The following MAPRE2 variants were observed in gnomAD, a reference collection of about 807,000 sequenced individuals.
The protein encoded by MAPRE2 is microtubule associated protein RP/EB family member 2.
A neutral mutation model predicts 43.2 loss-of-function variants in MAPRE2; 13 were observed. That is an observed-to-expected ratio of 0.30 (90% CI 0.20 to 0.48). MAPRE2 has a LOEUF of 0.48. Among genes scored for constraint, MAPRE2 ranks in the 20% least tolerant of loss-of-function variants. The probability of loss-of-function intolerance (pLI) is 0.99; values close to 1 mark genes in which losing one functional copy is unlikely to be tolerated. For synonymous variants in MAPRE2, 135 were observed against 148.8 expected, an observed-to-expected ratio of 0.91 and a Z score of 0.68; for missense variants, 161 against 400.2, an observed-to-expected ratio of 0.40 and a Z score of 5.10.
At chr18:35,079,884 C>G (rs569982404) in intron 2 of MAPRE2, among the ~76,000 whole-genome samples, 1 of 152,096 alleles carries the variant, frequency 6.6e-6, no homozygotes, top group African/African-American at 2.4e-5. Flanking sequence ...TTGATCAAGG[C>G]AAAAAGAAGT....
chr18:35,000,289 G>A (rs1021198638), intron 1 of MAPRE2, among the ~76,000 whole-genome samples: 1 of 152,178 alleles, frequency 6.6e-6, no homozygotes, highest in East Asian at 1.9e-4. Flanking sequence ...TTGTGAGGAG[G>A]ATGCTTTAAC....
At chr18:34,992,592 C>A (rs1240554710) in intron 1 of MAPRE2, among the ~76,000 whole-genome samples, 2 of 152,124 alleles carry the variant, frequency 1.3e-5, no homozygotes, top group Admixed American at 6.5e-5. Flanking sequence ...AATTCATTTT[C>A]TTATAATAAA....
chr18:35,102,185 G>T, intron 4 of MAPRE2, 26 bp downstream of exon 4: 1 of 1,524,392 alleles, frequency 6.6e-7, no homozygotes, highest in Non-Finnish European at 8.8e-7. Flanking sequence ...GATTGCGGGA[G>T]TTGCTTTCAT....
At chr18:34,978,759 G>C (rs2097014561) in intron 1 of MAPRE2, among the ~76,000 whole-genome samples, 1 of 152,200 alleles carries the variant, frequency 6.6e-6, no homozygotes, top group Non-Finnish European at 1.5e-5. Context: ...GTGATTGGTA[G>C]ATAAGCTTAA....
At chr18:35,070,037 A>C (rs188833906) in intron 1 of MAPRE2, among the ~76,000 whole-genome samples, 158 bp from the exon 2 acceptor site, 24 of 152,362 alleles carry the variant, frequency 1.6e-4, no homozygotes, top group Admixed American at 1.4e-3. Context: ...AATAATTTTA[A>C]TGCAAATATG....
chr18:35,082,632 T>G (rs559854965), intron 2 of MAPRE2, among the ~76,000 whole-genome samples: 25 of 152,220 alleles, frequency 1.6e-4, no homozygotes, highest in East Asian at 7.7e-4. Flanking sequence ...ATGTGAGCTC[T>G]CTCTCTCTTT....
intron 2 of MAPRE2, among the ~76,000 whole-genome samples, chr18:35,031,865 A>G (rs1051618179): frequency 3.9e-5 from 6 of 152,200 alleles, no homozygotes; most frequent in African/African-American, 1.4e-4. Flanking sequence ...GGAAAACATT[A>G]TTCACCAATT....
chr18:35,063,345 G>A (rs916278760), intron 1 of MAPRE2, among the ~76,000 whole-genome samples: 5 of 152,016 alleles, frequency 3.3e-5, no homozygotes, highest in Admixed American at 3.3e-4. Context: ...CTGACCTCGT[G>A]ATCCGCCCGC....
intron 4 of MAPRE2, among the ~76,000 whole-genome samples, chr18:35,118,324 G>T (rs943951017): frequency 6.6e-6 from 1 of 152,058 alleles, no homozygotes; most frequent in Admixed American, 6.5e-5. Flanking sequence ...GAGGGAAACC[G>T]GCTGACTCAG....
chr18:35,075,117 T>C (rs1907284976), intron 2 of MAPRE2, among the ~76,000 whole-genome samples: 1 of 152,166 alleles, frequency 6.6e-6, no homozygotes, highest in African/African-American at 2.4e-5. Context: ...ATTTGGCTAA[T>C]GATATTGTAG....
intron 1 of MAPRE2, among the ~76,000 whole-genome samples, chr18:35,060,640 G>C (rs1337029723): frequency 1.3e-5 from 2 of 152,096 alleles, no homozygotes; most frequent in African/African-American, 4.8e-5. Flanking sequence ...GTCATTTCAG[G>C]GCTGTAGCTA....
In MAPRE2 at chr18:35,127,011, A is replaced by G. The variant is rs1321378923; in HGVS notation, c.674A>G (p.Lys225Arg). The G allele has an allele frequency of 3.1e-6, 5 of 1,614,136 alleles. No homozygotes were observed. The highest frequency in any genetic ancestry group is 1.3e-5 in the African/African-American group (1 of 75,048). ...ACACCTTCTCGACCCTCATCAGCCAAAAGGGCTTCTTCCAGTGGCTCAGCA... is the reference window on the plus strand; with the variant it reads ...ACACCTTCTCGACCCTCATCAGCCAGAAGGGCTTCTTCCAGTGGCTCAGCA... ...GSTPSRPSSAKRASSSGSASK... is the reference protein window; with the variant it reads ...GSTPSRPSSARRASSSGSASK... Residue 225 changes from lysine to arginine, a missense_variant, in exon 5 of 7, where the codon AAA becomes AGA. This residue lies in a region of MAPRE2 where 96 missense variants were observed against 153.3 expected (regional missense o/e 0.63). Transcript: ENST00000300249.
In MAPRE2 at chr18:35,027,240, C is replaced by T. The variant is rs1380489105; in HGVS notation, c.-8+21687C>T. ...TTATGTTACCAGTGGTGTTGATAGC[C>T]CTTCCTCTTGAATCTGGGTGGAACT... is the stretch of plus-strand genomic sequence containing the variant. On this transcript the variant is annotated intron_variant, in intron 2 of 7. Coordinates refer to the MAPRE2 transcript ENST00000413393. Among the ~76,000 whole-genome samples, 6 of 152,126 alleles carry T rather than the reference C, an allele frequency of 3.9e-5. No homozygotes were observed. The South Asian group carries it at 8.3e-4, about 21-fold the overall frequency.
intron 1 of MAPRE2, among the ~76,000 whole-genome samples, chr18:34,983,284 T>C (rs1423366890): frequency 6.6e-6 from 1 of 152,216 alleles, no homozygotes; most frequent in African/African-American, 2.4e-5. Flanking sequence ...AAAAGCAGTA[T>C]ATTTCTAAAT....
intron 1 of MAPRE2, among the ~76,000 whole-genome samples, chr18:34,977,794 G>T (rs73422614): frequency 9.8e-4 from 150 of 152,346 alleles, no homozygotes; most frequent in African/African-American, 3.3e-3. Context: ...CAGCGACTTC[G>T]CACTCGGCTT....
At chr18:35,033,617 T>C (rs960818691) in intron 2 of MAPRE2, among the ~76,000 whole-genome samples, 1 of 150,388 alleles carries the variant, frequency 6.6e-6, no homozygotes, top group Non-Finnish European at 1.5e-5. Context: ...GAAAACCCCA[T>C]TGTCTCAGCC....
At chr18:34,982,167 G>GTCAC (rs1459646706) in intron 1 of MAPRE2, among the ~76,000 whole-genome samples, 7 of 152,102 alleles carry the variant, frequency 4.6e-5, no homozygotes, top group Non-Finnish European at 1.0e-4. Context: ...ACAGGCGTGA[G>GTCAC]TCACTGCGCC....
Position 35,041,450 on chromosome 18 carries a change from G to A in MAPRE2, c.-90G>A. On this transcript the variant is annotated 5_prime_UTR_variant, in exon 1 of 7. It adds an upstream start codon to the 5' untranslated region. Coordinates refer to ENST00000300249, the MANE Select transcript of MAPRE2 (RefSeq NM_014268.4). The stretch of plus-strand genomic sequence containing the variant: ...AGCGAGCAGGCGGCAGGCACGGTCC[G>A]TGCGGAGCAGGCGAGCGAGCGGGAA... 6.2e-7 allele frequency: 1 copy of A among 1,605,134 alleles called. No individual in the cohort carries two copies. The highest frequency in any genetic ancestry group is 8.5e-7 in the Non-Finnish European group (1 of 1,176,178).
intron 1 of MAPRE2, among the ~76,000 whole-genome samples, chr18:34,983,303 T>C (rs1370657805): frequency 6.6e-6 from 1 of 152,226 alleles, no homozygotes; most frequent in East Asian, 1.9e-4. Flanking sequence ...ATATATGAAT[T>C]TTAGTGATAC....
Sources: gnomAD v4.1 joint callset for allele counts (sites outside exome capture counted in the v4.1 genomes callset) on GRCh38, gnomAD v4.1.1 for gene constraint, gnomAD v4.1.1 regional missense constraint, MANE v1.5 for transcripts, NCBI Gene and HGNC (gene_info 2026-07-23, HGNC 2026-07-21) for gene names.